The following SH3BP5 variants were observed in gnomAD, a reference collection of about 807,000 sequenced individuals.
SH3BP5 encodes SH3 domain-binding protein 5.
SH3BP5 carries 22 observed loss-of-function variants against 43.3 expected under a neutral mutation model. That is an observed-to-expected ratio of 0.51 (90% confidence interval 0.36 to 0.73). SH3BP5 has a LOEUF of 0.73. Among genes scored for constraint, SH3BP5 ranks in the 30% least tolerant of loss-of-function variants. The probability of loss-of-function intolerance (pLI) is 0.00; values close to 1 mark genes in which losing one functional copy is unlikely to be tolerated. For synonymous variants in SH3BP5, 255 were observed against 225.8 expected (o/e 1.13, Z -1.16); for missense variants, 529 against 586.9 (o/e 0.90, Z 1.02).
intron 2 of SH3BP5, among the ~76,000 whole-genome samples, chr3:15,328,580 G>T (rs1488955989): frequency 3.9e-5 from 6 of 152,116 alleles, no homozygotes; most frequent in Non-Finnish European, 7.4e-5. Context: ...AAAGCTTAAA[G>T]ATATGAAAAA....
At chr3:15,275,000 TCG>T (rs1696924006) in intron 3 of SH3BP5, among the ~76,000 whole-genome samples, 1 of 152,172 alleles carries the variant, frequency 6.6e-6, no homozygotes, top group Non-Finnish European at 1.5e-5. Context: ...TGATTACAAT[TCG>T]ACAGGAGATT....
intron 1 of SH3BP5, among the ~76,000 whole-genome samples, chr3:15,340,959 G>C (rs558529113): frequency 6.6e-6 from 1 of 152,080 alleles, no homozygotes; most frequent in African/African-American, 2.4e-5. Flanking sequence ...GGCTGAGGCA[G>C]GAGAATCACT....
chr3:15,298,817 G>A (rs1360533045), intron 3 of SH3BP5, among the ~76,000 whole-genome samples: 2 of 152,134 alleles, frequency 1.3e-5, no homozygotes, highest in Non-Finnish European at 2.9e-5. Flanking sequence ...GGATTGGGGA[G>A]TTAGTGTTGA....
intron 3 of SH3BP5, among the ~76,000 whole-genome samples, chr3:15,301,799 A>C (rs1402675126): frequency 1.3e-5 from 2 of 152,094 alleles, no homozygotes; most frequent in Non-Finnish European, 2.9e-5. Flanking sequence ...TCAGAGGACC[A>C]GCCTTGAGAA....
At chr3:15,309,077 G>A (rs1290362815) in intron 2 of SH3BP5, among the ~76,000 whole-genome samples, 1 of 152,136 alleles carries the variant, frequency 6.6e-6, no homozygotes, top group Non-Finnish European at 1.5e-5. Flanking sequence ...AGGACAGAGG[G>A]TGAAAAGAGA....
intron 3 of SH3BP5, among the ~76,000 whole-genome samples, chr3:15,282,402 G>A (rs967842358): frequency 3.3e-5 from 5 of 152,204 alleles, no homozygotes; most frequent in African/African-American, 9.6e-5. Context: ...GTGCAAGTTT[G>A]CAAATTTTCC....
upstream of SH3BP5, chr3:15,332,635 C>T (rs1698646724): frequency 1.7e-6 from 2 of 1,171,128 alleles, no homozygotes; most frequent in East Asian, 7.9e-5. Flanking sequence ...AGCGCAGCGC[C>T]CGCTCCGCCC....
At chr3:15,320,127 G>A (rs1470306481) in intron 2 of SH3BP5, among the ~76,000 whole-genome samples, 1 of 152,152 alleles carries the variant, frequency 6.6e-6, no homozygotes. Flanking sequence ...ACAAAAGGGT[G>A]TGGTGAATGA....
chr3:15,271,188 G>T lies in SH3BP5; in HGVS notation c.331-1311C>A, dbSNP rs138572946. The stretch of plus-strand genomic sequence containing the variant: ...AGGCCAGGTATTCAAGACCAGCCTG[G>T]GAAACATAGCAAGACCCTACTTCTG... On this transcript the variant is annotated intron_variant, in intron 3 of 8. Transcript: ENST00000383791. Among the ~76,000 whole-genome samples, 54 of 152,064 alleles carry T rather than the reference G, an allele frequency of 3.6e-4. 1 individual carries two copies. The East Asian group carries it at 9.7e-3, about 27-fold the overall frequency.
chr3:15,335,263 A>G (rs765320187), upstream of SH3BP5, among the ~76,000 whole-genome samples: 1 of 152,142 alleles, frequency 6.6e-6, no homozygotes, highest in Non-Finnish European at 1.5e-5. Flanking sequence ...CTGTAATCCC[A>G]GCTACTCGAG....
chr3:15,332,491 C>T lies in SH3BP5; in HGVS notation c.-83G>A. 7.4e-7 allele frequency: 1 copy of T among 1,354,194 alleles called. No homozygotes were observed. Among genetic ancestry groups the T allele is most frequent in the Non-Finnish European group, 9.4e-7 (1 of 1,060,756 alleles). 83.9% of individuals were successfully genotyped at this position (1,354,194 alleles called of 1,614,324 possible). ...CTGCCACAGGCTGGGCTGGAGCCGCCTCGCCACAGCCGGGCACGGTCGGGG... is the reference window on the plus strand; with the variant it reads ...CTGCCACAGGCTGGGCTGGAGCCGCTTCGCCACAGCCGGGCACGGTCGGGG... On this transcript the variant is annotated 5_prime_UTR_variant, in exon 1 of 9. Transcript: ENST00000383791.
rs202055560 is a variant in SH3BP5 at position 15,295,786 on chromosome 3, T to TCC, written c.330+8316_330+8317insGG. Among the ~76,000 whole-genome samples, 1,110 of 152,322 alleles carry TCC rather than the reference T, an allele frequency of 7.3e-3. 15 individuals carry two copies. The highest frequency in any genetic ancestry group is 0.025 in the African/African-American group (1,053 of 41,568). On this transcript the variant is annotated intron_variant, in intron 3 of 8. Transcript: ENST00000383791. The stretch of plus-strand genomic sequence containing the variant: ...TGAAAACATGGCTGGATTTGTGGAT[T>TCC]ATCTGGCACTAAGCCTGAGAGGTCA...
At chr3:15,271,876 C>T (rs1696808555) in intron 3 of SH3BP5, among the ~76,000 whole-genome samples, 4 of 152,116 alleles carry the variant, frequency 2.6e-5, no homozygotes, top group African/African-American at 9.7e-5. Context: ...ATCACAGTCA[C>T]CACTCTACAG....
intron 3 of SH3BP5, among the ~76,000 whole-genome samples, chr3:15,295,639 TAATG>T (rs1316750101): frequency 6.6e-6 from 1 of 152,196 alleles, no homozygotes; most frequent in Non-Finnish European, 1.5e-5. Flanking sequence ...AGTTCAGTGT[TAATG>T]AGTCAACAAA....
In SH3BP5 at chr3:15,277,020, G is replaced by A. The variant is rs186919134; in HGVS notation, c.331-7143C>T. Among the ~76,000 whole-genome samples, 9 of 151,552 alleles carry A rather than the reference G, an allele frequency of 5.9e-5. No individual in the cohort carries two copies. In the East Asian group the frequency reaches 7.7e-4, roughly 13 times the overall value. On this transcript the variant is annotated intron_variant, in intron 3 of 8. Transcript: ENST00000383791. ...GGCTGGAGTGCAATGGTGCGATCTC[G>A]GCTCACTGCAATCTCCACCTCCTGG... is the stretch of plus-strand genomic sequence containing the variant.
upstream of SH3BP5, among the ~76,000 whole-genome samples, chr3:15,334,820 C>T (rs572541834): frequency 3.4e-3 from 518 of 151,932 alleles, 4 homozygotes; most frequent in South Asian, 0.011. Flanking sequence ...AGTGTGGTGG[C>T]TCATGCCTGT....
chr3:15,318,570 T>C (rs1698242002), intron 2 of SH3BP5, among the ~76,000 whole-genome samples: 1 of 151,646 alleles, frequency 6.6e-6, no homozygotes, highest in Non-Finnish European at 1.5e-5. Flanking sequence ...TTTTTGTTTT[T>C]GTTTTTTTTA....
intron 3 of SH3BP5, among the ~76,000 whole-genome samples, chr3:15,296,672 C>T (rs1033782026): frequency 1.6e-4 from 24 of 148,496 alleles, no homozygotes; most frequent in Admixed American, 1.6e-3. Context: ...GCCTCTCATC[C>T]TCCACTTACG....
chr3:15,267,740 G>A (rs553473368), intron 4 of SH3BP5, among the ~76,000 whole-genome samples: 1 of 152,354 alleles, frequency 6.6e-6, no homozygotes, highest in Non-Finnish European at 1.5e-5. Context: ...GGTGCCCTGA[G>A]TTATACAGTG....
Sources: allele counts gnomAD v4.1 joint callset (sites outside exome capture counted in the v4.1 genomes callset), GRCh38; gene constraint gnomAD v4.1.1; transcripts MANE v1.5; gene names NCBI Gene and HGNC (gene_info 2026-07-23, HGNC 2026-07-21).